Variants in FKBP5 observed in about 807,000 individuals in gnomAD.
FKBP5 encodes FKBP prolyl isomerase 5.
Under a neutral mutation model 50.5 loss-of-function variants are expected in FKBP5, and 23 were observed. The ratio of observed to expected loss-of-function variants is 0.46; its 90% CI spans 0.33 to 0.65. FKBP5 has a LOEUF of 0.65. FKBP5 is among the 30% of genes least tolerant of loss of function. FKBP5 has a pLI of 0.02. For synonymous variants in FKBP5, 176 were observed against 190.6 expected (o/e 0.92, Z 0.63); for missense variants, 411 against 553.1 (o/e 0.74, Z 2.58).
chr6:35,582,746 T>G, intron 8 of FKBP5: 3 of 985,360 alleles, frequency 3.0e-6, no homozygotes, highest in Non-Finnish European at 3.6e-6. Context: ...AAAAAAAGAA[T>G]AAAGTCCTCA....
upstream of FKBP5, among the ~76,000 whole-genome samples, chr6:35,692,757 C>A (rs1460380450): frequency 2.8e-5 from 4 of 145,412 alleles, no homozygotes; most frequent in Non-Finnish European, 5.9e-5. Flanking sequence ...CACCACTGCA[C>A]TCCAGCCTGG....
chr6:35,721,945 G>A (rs1766617835), intron 1 of FKBP5, among the ~76,000 whole-genome samples: 1 of 152,070 alleles, frequency 6.6e-6, no homozygotes. Flanking sequence ...GCTCTTTCTT[G>A]CCTTGAGGAC....
At chr6:35,701,655 T>G (rs1345493662) in intron 2 of FKBP5, among the ~76,000 whole-genome samples, 1 of 152,124 alleles carries the variant, frequency 6.6e-6, no homozygotes, top group East Asian at 1.9e-4. Context: ...TCCTCCCACC[T>G]CAGCCTCCTG....
At chr6:35,710,963 G>T (rs1766400982) in intron 2 of FKBP5, among the ~76,000 whole-genome samples, 1 of 152,188 alleles carries the variant, frequency 6.6e-6, no homozygotes, top group Non-Finnish European at 1.5e-5. Context: ...TATACTGGTA[G>T]AAAGCAGACT....
chr6:35,595,412 C>CT (rs774758796), intron 6 of FKBP5, among the ~76,000 whole-genome samples: 42 of 152,334 alleles, frequency 2.8e-4, no homozygotes, highest in Admixed American at 1.6e-3. Context: ...ATCCACCTCT[C>CT]TGAGTTTAGA....
chr6:35,630,393 A>G (rs1764119990), intron 3 of FKBP5, among the ~76,000 whole-genome samples: 1 of 151,992 alleles, frequency 6.6e-6, no homozygotes, highest in Non-Finnish European at 1.5e-5. Flanking sequence ...CTAAAAATAT[A>G]AAAATTAGCC....
chr6:35,692,673 C>A (rs534527525), upstream of FKBP5, among the ~76,000 whole-genome samples: 9 of 152,004 alleles, frequency 5.9e-5, no homozygotes, highest in African/African-American at 1.9e-4. Flanking sequence ...CGCCTGTAGT[C>A]CCTGCTACTT....
chr6:35,653,669 C>T (rs1764873780), intron 1 of FKBP5, among the ~76,000 whole-genome samples: 1 of 152,116 alleles, frequency 6.6e-6, no homozygotes, highest in Admixed American at 6.6e-5. Context: ...CCCTAAAGTA[C>T]ACTGGTTGAA....
In FKBP5 at chr6:35,665,261, G is replaced by C. The variant is rs9380525; in HGVS notation, c.-19-22418C>G. Among the ~76,000 whole-genome samples, 97,044 of 151,294 alleles carry C rather than the reference G, an allele frequency of 0.64. 31,356 individuals carry two copies. Among genetic ancestry groups the C allele is most frequent in the East Asian group, 0.68 (3,480 of 5,132 alleles). ...CTCAAACCAGCACTCAGGGTCTTCT[G>C]CTCCTTTAGAATGTCACTAGTAAAT... is the stretch of plus-strand genomic sequence containing the variant. On this transcript the variant is annotated intron_variant, in intron 1 of 10. Coordinates refer to ENST00000357266, the MANE Select transcript of FKBP5 (RefSeq NM_004117.4).
chr6:35,617,630 C>T (rs1763700408), intron 5 of FKBP5, among the ~76,000 whole-genome samples: 1 of 152,196 alleles, frequency 6.6e-6, no homozygotes, highest in Admixed American at 6.5e-5. Flanking sequence ...TTTCAGCTCA[C>T]TAATGACACT....
chr6:35,692,822 G>A (rs1160137521), upstream of FKBP5, among the ~76,000 whole-genome samples: 1 of 149,682 alleles, frequency 6.7e-6, no homozygotes, highest in Non-Finnish European at 1.5e-5. Context: ...GAGAATACAC[G>A]GTAGAGTGGA....
rs186600941 is a variant in FKBP5 at position 35,606,638 on chromosome 6, C to G, written c.509-9234G>C. ...TCGCGCCACTGCACTCCAGCCTGGG[C>G]AACAGAATGAGACTCCGTCTCAAAA... On this transcript the variant is annotated intron_variant, in intron 5 of 10. Transcript: ENST00000357266. Among the ~76,000 whole-genome samples, 939 of 105,432 alleles carry G rather than the reference C, an allele frequency of 8.9e-3. 9 individuals carry two copies. The highest frequency in any genetic ancestry group is 0.032 in the African/African-American group (803 of 25,402). The allele number at this position is 105,432 out of a possible 152,430, so 69.2% of individuals were successfully genotyped here. A position where few individuals can be genotyped will look rare whatever the true frequency, so the allele number is the denominator to read the frequency against.
chr6:35,586,713 T>C, intron 8 of FKBP5: 13 of 1,168,892 alleles, frequency 1.1e-5, no homozygotes, highest in Non-Finnish European at 1.4e-5. Flanking sequence ...CAAAAACACT[T>C]GTTGAGTGCC....
chr6:35,594,551 G>GT (rs1379792810), intron 6 of FKBP5, among the ~76,000 whole-genome samples: 1 of 152,134 alleles, frequency 6.6e-6, no homozygotes, highest in Non-Finnish European at 1.5e-5. Context: ...AATAAAACAA[G>GT]TAAATTCACT....
chr6:35,668,113 G>T (rs977605786), intron 1 of FKBP5, among the ~76,000 whole-genome samples: 1 of 152,210 alleles, frequency 6.6e-6, no homozygotes, highest in African/African-American at 2.4e-5. Flanking sequence ...CAATAAGAAA[G>T]TAAAAGTTAT....
chr6:35,647,934 A>G (rs181472746), intron 1 of FKBP5, among the ~76,000 whole-genome samples: 1 of 152,126 alleles, frequency 6.6e-6, no homozygotes, highest in Non-Finnish European at 1.5e-5. Flanking sequence ...TTTTCCTTTG[A>G]TGTCTCTGTC....
intron 3 of FKBP5, among the ~76,000 whole-genome samples, chr6:35,635,029 A>AAAAAAAAAAAC (rs1764269398): frequency 1.4e-5 from 2 of 139,962 alleles, no homozygotes; most frequent in African/African-American, 5.7e-5. Flanking sequence ...GTCTCTACAA[A>AAAAAAAAAAAC]AAAAAAAAAA....
chr6:35,577,477 G>C (rs925323010), intron 9 of FKBP5, among the ~76,000 whole-genome samples: 3 of 152,056 alleles, frequency 2.0e-5, no homozygotes, highest in Admixed American at 1.3e-4. Flanking sequence ...AAAGTTCATT[G>C]GAACAAATAA....
intron 2 of FKBP5, among the ~76,000 whole-genome samples, chr6:35,706,099 ACT>A (rs1209908077): frequency 6.6e-6 from 1 of 151,400 alleles, no homozygotes; most frequent in Non-Finnish European, 1.5e-5. Context: ...ACAGAGCCAG[ACT>A]CTGTCTCAAA....
Sources: allele counts gnomAD v4.1 joint callset (sites outside exome capture counted in the v4.1 genomes callset), GRCh38; gene constraint gnomAD v4.1.1; transcripts MANE v1.5; gene names NCBI Gene and HGNC (gene_info 2026-07-23, HGNC 2026-07-21).